The following DEDD2 variants were observed in gnomAD, a reference collection of about 807,000 sequenced individuals.
DEDD2 encodes death effector domain containing 2, also known as DNA-binding death effector domain-containing protein 2.
A neutral mutation model predicts 28.9 loss-of-function variants in DEDD2; 18 were observed. The observed-to-expected ratio is 0.62, with a 90% CI of 0.43 to 0.92. DEDD2 has a LOEUF of 0.92. Ranked by LOEUF, DEDD2 falls within the 40% of genes least tolerant of loss-of-function variation. DEDD2 has a pLI of 0.00. For missense variants in DEDD2, 411 were observed against 463.3 expected (o/e 0.89, Z 1.04); for synonymous variants, 211 against 206.1 (o/e 1.02, Z -0.20).
At chr19:42,216,305 A>G (rs1461677024) in intron 2 of DEDD2, among the ~76,000 whole-genome samples, 2 of 152,334 alleles carry the variant, frequency 1.3e-5, no homozygotes, top group East Asian at 3.9e-4. Flanking sequence ...CAGGATTGTT[A>G]TTATACGTGC....
intron 4 of DEDD2, among the ~76,000 whole-genome samples, chr19:42,200,988 C>T (rs2035310524): frequency 6.6e-6 from 1 of 152,182 alleles, no homozygotes; most frequent in African/African-American, 2.4e-5. Context: ...CGAGGCTGTC[C>T]TGAGGATCAG....
intron 4 of DEDD2, chr19:42,201,888 G>C: frequency 2.5e-6 from 1 of 397,480 alleles, no homozygotes; most frequent in Non-Finnish European, 4.4e-6. Flanking sequence ...CTCAATCAAT[G>C]TGGGTGGGAG....
At position 42,209,810 on chromosome 19, in the gene DEDD2, C is replaced by A; in HGVS notation, c.479G>T (p.Ser160Ile). The A allele has an allele frequency of 6.4e-7, 1 of 1,559,442 alleles. No homozygotes were observed. The highest frequency in any genetic ancestry group is 8.7e-7 in the Non-Finnish European group (1 of 1,155,852). The stretch of plus-strand genomic sequence containing the variant: ...GGCACCACCACTGGGCCGGCCCCGA[C>A]TCCGCCGCTGCCGCTTGGTTGGGGG... Reference protein sequence around the residue: ...GSPPTKRQRRSRGRPSGGARR... With the variant: ...GSPPTKRQRRIRGRPSGGARR... The change falls in exon 4 of 5, where the codon AGT (serine) becomes ATT (isoleucine). Residue 160 changes from serine to isoleucine, a missense_variant. Around this residue, in one of 2 missense-constraint regions of DEDD2, gnomAD observed 282 missense variants for 273.4 expected, o/e 1.03. Transcript: ENST00000596251.
chr19:42,211,850 C>T (rs1315086340), intron 3 of DEDD2: 4 of 151,710 alleles, frequency 2.6e-5, no homozygotes, highest in Non-Finnish European at 4.4e-5. Context: ...CCAGCCTGAC[C>T]AACATGGAGA....
In DEDD2 at chr19:42,205,882, G is replaced by A. The variant is rs146390534; in HGVS notation, c.589+3818C>T. On this transcript the variant is annotated intron_variant, in intron 4 of 4. Transcript: ENST00000596251. ...TGAATCGCTTTGAGCTCAGGAGTTCGAGACCAGCCTGGGCAACAGGGCAAG... is the reference window on the plus strand; with the variant it reads ...TGAATCGCTTTGAGCTCAGGAGTTCAAGACCAGCCTGGGCAACAGGGCAAG... Among the ~76,000 whole-genome samples the A allele has an allele frequency of 1.9e-3, 293 of 151,572 alleles. 3 individuals carry two copies. The highest frequency in any genetic ancestry group is 6.8e-3 in the African/African-American group (280 of 41,302).
chr19:42,199,923 A>G lies in DEDD2; in HGVS notation c.590-94T>C. ...TTCCTCCCTCCAGCCTTCTCCCTCC[A>G]CCCCCTTCCGGTAGCCACACCCTAG... On this transcript the variant is annotated intron_variant, in intron 4 of 4. Transcript: ENST00000596251. The surrounding 1 kb of genome is among the most constrained non-coding windows in gnomAD (Gnocchi z 7.4). 1.4e-6 allele frequency: 2 copies of G among 1,463,028 alleles called. No individual in the cohort carries two copies. Among genetic ancestry groups the G allele is most frequent in the Non-Finnish European group, 1.8e-6 (2 of 1,102,154 alleles). 90.6% of individuals were successfully genotyped at this position (1,463,028 alleles called of 1,614,324 possible).
chr19:42,209,443 A>G (rs1385861574), intron 4 of DEDD2, among the ~76,000 whole-genome samples: 4 of 152,174 alleles, frequency 2.6e-5, no homozygotes, highest in Non-Finnish European at 5.9e-5. Context: ...TTTGCTGAAT[A>G]CACAAATGAA....
rs1037817223 is a variant in DEDD2 at position 42,209,639 on chromosome 19, C to G, written c.589+61G>C. On this transcript the variant is annotated intron_variant, in intron 4 of 4. Transcript: ENST00000596251. ...ATCCCCCAGAAAAATGCTCATTTCT[C>G]CCACCCTCTGAACCCACCCGGGGCA... is the stretch of plus-strand genomic sequence containing the variant. 2.2e-5 allele frequency: 34 copies of G among 1,521,660 alleles called. No individual in the cohort carries two copies. The East Asian group carries it at 8.1e-4, about 36-fold the overall frequency. The allele number at this position is 1,521,660 out of a possible 1,614,324, so 94.3% of individuals were successfully genotyped here.
intron 3 of DEDD2, among the ~76,000 whole-genome samples, chr19:42,214,189 C>T (rs1164042221): frequency 6.6e-6 from 1 of 152,176 alleles, no homozygotes; most frequent in Non-Finnish European, 1.5e-5. Context: ...GGCGCAGTGG[C>T]TCAAGCCTGT....
At position 42,199,461 on chromosome 19, in the gene DEDD2, GC is replaced by G; in HGVS notation, c.957del (p.Arg320GlyfsTer34). On this transcript the variant is annotated frameshift_variant, in exon 5 of 5. Coordinates refer to ENST00000596251, the MANE Select transcript of DEDD2 (RefSeq NM_133328.4). LOFTEE classifies it high-confidence loss of function. The surrounding 1 kb of genome is among the most constrained non-coding windows in gnomAD (Gnocchi z 7.4). Reference protein sequence around the residue: ...RRLLLMEEEGGRRPTEAS With the variant: ...RRLLLMEEEGXRRPTEAS ...GATCAGGAGGCCTCTGTCGGGCGCC[GC>G]CCCCCTTCCTCCTCCATCAGCAACA... 6.2e-7 allele frequency: 1 copy of G among 1,606,500 alleles called. No individual in the cohort carries two copies.
At chr19:42,219,495 G>C (rs1314762382), upstream of DEDD2, among the ~76,000 whole-genome samples, 2 of 152,048 alleles carry the variant, frequency 1.3e-5, no homozygotes, top group Non-Finnish European at 1.5e-5. Context: ...CCAACTACTC[G>C]GGAGGCTAAG....
chr19:42,219,260 C>G (rs1218534149), upstream of DEDD2, among the ~76,000 whole-genome samples: 1 of 145,130 alleles, frequency 6.9e-6, no homozygotes, highest in Non-Finnish European at 1.5e-5. Flanking sequence ...GCCGAGATTG[C>G]GCCATTGCAC....
Position 42,216,661 on chromosome 19 carries a change from C to T in DEDD2, c.328+19G>A. 6.5e-7 allele frequency: 1 copy of T among 1,539,480 alleles called. No homozygotes were observed. Among genetic ancestry groups the T allele is most frequent in the Non-Finnish European group, 8.7e-7 (1 of 1,149,616 alleles). On this transcript the variant is annotated intron_variant, in intron 2 of 4. Transcript: ENST00000596251. The stretch of plus-strand genomic sequence containing the variant: ...CCCTTTCCTCCCAGGAAGTGTGACA[C>T]CCTCCCATTCAACCGTACCTGGCCG...
Position 42,199,234 on chromosome 19 carries a change from T to C in DEDD2, c.*204A>G. 1 of 763,444 alleles carries C rather than the reference T, an allele frequency of 1.3e-6. No homozygotes were observed. The highest frequency in any genetic ancestry group is 2.0e-6 in the Non-Finnish European group (1 of 501,304). The allele number at this position is 763,444 out of a possible 1,614,324, so 47.3% of individuals were successfully genotyped here. A position where few individuals can be genotyped will look rare whatever the true frequency, so the allele number is the denominator to read the frequency against. On this transcript the variant is annotated 3_prime_UTR_variant, in exon 5 of 5. Transcript: ENST00000596251. The surrounding 1 kb of genome is among the most constrained non-coding windows in gnomAD (Gnocchi z 7.4). Reference sequence around the variant, plus strand: ...GGGGCACACCTGGGGGTAGGAGGAGTCTGGGAAGGAAACTCAGCTGGAAAT... The same window carrying C: ...GGGGCACACCTGGGGGTAGGAGGAGCCTGGGAAGGAAACTCAGCTGGAAAT...
chr19:42,203,932 C>T (rs1002181533), intron 4 of DEDD2, among the ~76,000 whole-genome samples: 15 of 152,346 alleles, frequency 9.8e-5, no homozygotes, highest in Admixed American at 5.9e-4. Context: ...GCACCATGTG[C>T]GCTGGACCGT....
intron 3 of DEDD2, among the ~76,000 whole-genome samples, chr19:42,211,509 G>A (rs894700241): frequency 6.6e-6 from 1 of 152,072 alleles, no homozygotes; most frequent in Non-Finnish European, 1.5e-5. Flanking sequence ...ATTGGTAACA[G>A]GAATACTCAG....
intron 4 of DEDD2, among the ~76,000 whole-genome samples, chr19:42,204,117 G>A (rs1214989535): frequency 1.3e-5 from 2 of 151,648 alleles, no homozygotes; most frequent in South Asian, 2.1e-4. Flanking sequence ...CTCTCTTCTG[G>A]GGCAAATGGG....
At chr19:42,203,267 T>C (rs1300652043) in intron 4 of DEDD2, among the ~76,000 whole-genome samples, 2 of 152,126 alleles carry the variant, frequency 1.3e-5, no homozygotes, top group South Asian at 2.1e-4. Flanking sequence ...CAGAGAAAAT[T>C]AGACAGGGCG....
intron 4 of DEDD2, chr19:42,202,132 G>A (rs1044044971): frequency 2.5e-5 from 10 of 398,498 alleles, no homozygotes; most frequent in African/African-American, 2.1e-4. Context: ...GATTAAATGA[G>A]GCAACTCATA....
Sources: gnomAD v4.1 joint callset for allele counts (sites outside exome capture counted in the v4.1 genomes callset) on GRCh38, gnomAD v4.1.1 for gene constraint, gnomAD v4.1.1 regional missense constraint, Gnocchi (gnomAD v3.1) non-coding constraint, MANE v1.5 for transcripts, NCBI Gene and HGNC (gene_info 2026-07-23, HGNC 2026-07-21) for gene names.